CNTNAP5: variants seen among roughly 807,000 people sequenced by gnomAD.
CNTNAP5 encodes the protein contactin-associated protein-like 5.
CNTNAP5 carries 72 observed loss-of-function variants against 150.2 expected under a neutral mutation model. The ratio of observed to expected loss-of-function variants is 0.48; its 90% CI spans 0.40 to 0.58. CNTNAP5 has a LOEUF of 0.58. Ranked by LOEUF, CNTNAP5 falls within the 20% of genes least tolerant of loss-of-function variation. The pLI is 0.00. For synonymous variants in CNTNAP5, 672 were observed against 619.8 expected (o/e 1.08, Z -1.25); for missense variants, 1,636 against 1,626.2 (o/e 1.01, Z -0.10).
intron 6 of CNTNAP5, among the ~76,000 whole-genome samples, chr2:124,451,502 A>G (rs1692981918): frequency 6.6e-6 from 1 of 152,106 alleles, no homozygotes; most frequent in South Asian, 2.1e-4. Flanking sequence ...CAAGAACTTT[A>G]AAAAGTACTA....
chr2:124,436,085 AAGG>A (rs1325753756), intron 5 of CNTNAP5, among the ~76,000 whole-genome samples: 1 of 152,212 alleles, frequency 6.6e-6, no homozygotes, highest in Non-Finnish European at 1.5e-5. Flanking sequence ...GTTTTCCAGA[AAGG>A]AGATCAGATG....
intron 18 of CNTNAP5, among the ~76,000 whole-genome samples, chr2:124,795,663 A>G (rs1573622605): frequency 6.6e-6 from 1 of 152,054 alleles, no homozygotes; most frequent in African/African-American, 2.4e-5. Context: ...TATTACAAGC[A>G]CCTGCCAACA....
chr2:124,820,541 G>C (rs1024451460), intron 19 of CNTNAP5, among the ~76,000 whole-genome samples: 2 of 151,006 alleles, frequency 1.3e-5, no homozygotes, highest in Non-Finnish European at 1.5e-5. Flanking sequence ...AGGAAAGGGG[G>C]GGGAGAAAGA....
chr2:124,563,156 T>C (rs1695933681), intron 10 of CNTNAP5, 61 bp from the exon 11 acceptor site: 1 of 1,115,784 alleles, frequency 9.0e-7, no homozygotes. Context: ...ACATTTTTGC[T>C]TTCCCCTTTC....
chr2:124,836,142 G>A (rs929772441), intron 19 of CNTNAP5, among the ~76,000 whole-genome samples: 3 of 152,190 alleles, frequency 2.0e-5, no homozygotes, highest in African/African-American at 7.2e-5. Flanking sequence ...AGAAAAGATA[G>A]GATTTCCGAG....
chr2:124,347,951 A>G (rs938455898), intron 3 of CNTNAP5, among the ~76,000 whole-genome samples: 2 of 151,776 alleles, frequency 1.3e-5, no homozygotes, highest in African/African-American at 4.8e-5. Context: ...CAGCCTCCCG[A>G]GTAGCTGGGA....
intron 6 of CNTNAP5, among the ~76,000 whole-genome samples, chr2:124,465,624 A>T (rs2104825272): frequency 6.6e-6 from 1 of 152,308 alleles, no homozygotes; most frequent in East Asian, 1.9e-4. Context: ...ATCAGATATT[A>T]TCTGTGCCTC....
chr2:124,388,060 T>C (rs554266534), intron 3 of CNTNAP5, among the ~76,000 whole-genome samples: 1 of 152,132 alleles, frequency 6.6e-6, no homozygotes, highest in Non-Finnish European at 1.5e-5. Context: ...TAGGAAGAGA[T>C]TACACTTTAT....
intron 3 of CNTNAP5, among the ~76,000 whole-genome samples, chr2:124,377,091 A>C (rs1690666685): frequency 1.3e-5 from 2 of 152,092 alleles, no homozygotes; most frequent in Admixed American, 1.3e-4. Context: ...AGTTGGAAAA[A>C]ATCTTTAATA....
chr2:124,283,914 C>A (rs1437773393), intron 3 of CNTNAP5, among the ~76,000 whole-genome samples: 1 of 152,156 alleles, frequency 6.6e-6, no homozygotes, highest in Admixed American at 6.5e-5. Context: ...TTGTGCACCT[C>A]CCAGTGTTAC....
intron 3 of CNTNAP5, among the ~76,000 whole-genome samples, chr2:124,393,712 C>T (rs1343078819): frequency 1.3e-5 from 2 of 152,132 alleles, no homozygotes; most frequent in Non-Finnish European, 2.9e-5. Context: ...CTGTAGGGGG[C>T]TAAGTAAAGC....
At chr2:124,621,636 A>C (rs1677616162) in intron 12 of CNTNAP5, among the ~76,000 whole-genome samples, 2 of 152,232 alleles carry the variant, frequency 1.3e-5, no homozygotes, top group Admixed American at 1.3e-4. Context: ...ACATAAAGAA[A>C]GAAATGTATC....
intron 19 of CNTNAP5, among the ~76,000 whole-genome samples, chr2:124,809,917 G>A (rs1015192214): frequency 6.6e-6 from 1 of 152,036 alleles, no homozygotes; most frequent in Non-Finnish European, 1.5e-5. Context: ...CAAAGGCAAA[G>A]GCAAAATCCT....
chr2:124,720,383 T>C (rs1448750479), intron 13 of CNTNAP5, among the ~76,000 whole-genome samples: 3 of 152,204 alleles, frequency 2.0e-5, no homozygotes, highest in African/African-American at 4.8e-5. Context: ...TGTTCCCTTT[T>C]TCCCAGTTGA....
At chr2:124,886,690 C>G (rs1678087807) in intron 21 of CNTNAP5, among the ~76,000 whole-genome samples, 1 of 152,166 alleles carries the variant, frequency 6.6e-6, no homozygotes, top group East Asian at 1.9e-4. Context: ...ACAGTTAAAA[C>G]AGTAACATGC....
chr2:124,242,561 C>CATCCTAATT, intron 3 of CNTNAP5, 168 bp downstream of exon 3: 1 of 615,506 alleles, frequency 1.6e-6, no homozygotes, highest in Non-Finnish European at 2.7e-6. Flanking sequence ...CATGGTTCTA[C>CATCCTAATT]TTCCTAGGAA....
chr2:124,263,716 C>A (rs917134672), intron 3 of CNTNAP5, among the ~76,000 whole-genome samples: 21 of 152,174 alleles, frequency 1.4e-4, no homozygotes, highest in African/African-American at 5.1e-4. Context: ...GACATGAAGC[C>A]CTTGCCTATG....
intron 8 of CNTNAP5, among the ~76,000 whole-genome samples, chr2:124,519,794 C>G (rs1206196068): frequency 1.3e-5 from 2 of 152,028 alleles, no homozygotes; most frequent in African/African-American, 2.4e-5. Context: ...TTCTTTTTTT[C>G]TCTATGGAGA....
intron 1 of CNTNAP5, among the ~76,000 whole-genome samples, chr2:124,209,333 C>T (rs1685946173): frequency 6.6e-6 from 1 of 152,192 alleles, no homozygotes; most frequent in Non-Finnish European, 1.5e-5. Context: ...ATACCTGTGC[C>T]TCCTCATCTG....
Sources: allele counts gnomAD v4.1 joint callset (sites outside exome capture counted in the v4.1 genomes callset), GRCh38; gene constraint gnomAD v4.1.1; transcripts MANE v1.5; gene names NCBI Gene and HGNC (gene_info 2026-07-23, HGNC 2026-07-21).